Variants in GALNT16 observed in about 807,000 individuals in gnomAD.
GALNT16 encodes the protein UDP-GalNAc:polypeptide N-acetylgalactosaminyltransferase-like protein 1.
In GALNT16, 40 loss-of-function variants were observed where a neutral mutation model predicts 76.1. That is an observed-to-expected ratio of 0.53 (90% CI 0.41 to 0.68). The LOEUF is 0.68. Ranked by LOEUF, GALNT16 falls within the 30% of genes least tolerant of loss-of-function variation. GALNT16 has a pLI of 0.00. For missense variants in GALNT16, 621 were observed against 731.9 expected (o/e 0.85, Z 1.75); for synonymous variants, 276 against 285.2 (o/e 0.97, Z 0.32).
At chr14:69,339,768 A>G (rs890784385) in intron 11 of GALNT16, 149 bp downstream of exon 11, 7 of 587,578 alleles carry the variant, frequency 1.2e-5, no homozygotes, top group Admixed American at 9.9e-5. Flanking sequence ...GGGTCCTGGG[A>G]GGGAATGCAA....
At chr14:69,287,613 A>G (rs934774280) in intron 1 of GALNT16, among the ~76,000 whole-genome samples, 1 of 152,180 alleles carries the variant, frequency 6.6e-6, no homozygotes, top group Non-Finnish European at 1.5e-5. Context: ...GTAATGCTCC[A>G]GGGAATACAT....
intron 1 of GALNT16, among the ~76,000 whole-genome samples, chr14:69,275,419 G>A (rs1566860731): frequency 6.6e-6 from 1 of 152,190 alleles, no homozygotes; most frequent in Non-Finnish European, 1.5e-5. Context: ...TGATGTTAGG[G>A]AGGAAAAGAA....
At chr14:69,355,416 A>G (rs768153503), downstream of GALNT16, 1 of 149,900 alleles carries the variant, frequency 6.7e-6, no homozygotes, top group East Asian at 2.0e-4. Context: ...CCCACCACCC[A>G]CCGCCTACTC....
the GALNT16 span, among the ~76,000 whole-genome samples, chr14:69,378,207 ACT>A: frequency 6.6e-6 from 1 of 152,122 alleles, no homozygotes; most frequent in Non-Finnish European, 1.5e-5. Context: ...AGATCGTTGA[ACT>A]CTTTTTATAC....
intron 1 of GALNT16, chr14:69,298,521 C>G (rs1425894371): frequency 6.6e-6 from 1 of 152,518 alleles, no homozygotes; most frequent in East Asian, 1.9e-4. Flanking sequence ...TCCCTGTCGC[C>G]ACTTCCCACG....
chr14:69,368,660 G>C, the GALNT16 span, among the ~76,000 whole-genome samples: 4 of 152,296 alleles, frequency 2.6e-5, no homozygotes, highest in African/African-American at 9.6e-5. Context: ...TTACACGAGG[G>C]CTTGACTACC....
intron 1 of GALNT16, among the ~76,000 whole-genome samples, chr14:69,279,320 C>G (rs1306871482): frequency 1.3e-5 from 2 of 152,138 alleles, no homozygotes; most frequent in Non-Finnish European, 2.9e-5. Flanking sequence ...TATTACTTAC[C>G]TTGATTACTG....
chr14:69,358,192 A>C (rs562822889), downstream of GALNT16: 3 of 152,418 alleles, frequency 2.0e-5, no homozygotes, highest in African/African-American at 7.2e-5. Flanking sequence ...CTCTGGCAGG[A>C]GAACCAGGAG....
At chr14:69,268,817 G>A (rs993314241) in intron 1 of GALNT16, among the ~76,000 whole-genome samples, 2 of 152,254 alleles carry the variant, frequency 1.3e-5, no homozygotes, top group South Asian at 4.1e-4. Context: ...GCATTGGCAT[G>A]CAAAGAGAGA....
downstream of GALNT16, among the ~76,000 whole-genome samples, chr14:69,361,460 C>T (rs571678339): frequency 7.3e-4 from 111 of 152,214 alleles, 1 homozygote; most frequent in Non-Finnish European, 1.5e-3. Context: ...GTCCATGCTC[C>T]TTGCTGCTCC....
intron 3 of GALNT16, 145 bp from the exon 4 acceptor site, chr14:69,325,192 T>C: frequency 1.5e-6 from 1 of 653,132 alleles, no homozygotes; most frequent in Non-Finnish European, 2.8e-6. Flanking sequence ...TCAATGAACT[T>C]AGACAAGAAT....
At chr14:69,364,805 G>A in the GALNT16 span, among the ~76,000 whole-genome samples, 1 of 152,214 alleles carries the variant, frequency 6.6e-6, no homozygotes, top group Non-Finnish European at 1.5e-5. The surrounding 1 kb of genome is among the most constrained non-coding windows in gnomAD (Gnocchi z 4.2). Flanking sequence ...GCAGGAGGGT[G>A]GAAGGAGCCA....
At chr14:69,304,064 G>T (rs988179586) in intron 1 of GALNT16, among the ~76,000 whole-genome samples, 1 of 151,964 alleles carries the variant, frequency 6.6e-6, no homozygotes, top group Admixed American at 6.6e-5. Flanking sequence ...GGCTCTTTTT[G>T]GGGGTGGGGG....
chr14:69,372,491 C>CTTTTTTTT, the GALNT16 span, among the ~76,000 whole-genome samples: 12 of 103,746 alleles, frequency 1.2e-4, no homozygotes, highest in South Asian at 3.7e-4. Flanking sequence ...GATCATTAGC[C>CTTTTTTTT]TTTTTTTTTT....
At chr14:69,295,627 G>C (rs1375242513) in intron 1 of GALNT16, among the ~76,000 whole-genome samples, 1 of 152,120 alleles carries the variant, frequency 6.6e-6, no homozygotes, top group Non-Finnish European at 1.5e-5. Context: ...GACTGAGGCA[G>C]AAGAATTGCT....
At chr14:69,376,048 T>A in the GALNT16 span, among the ~76,000 whole-genome samples, 1 of 152,110 alleles carries the variant, frequency 6.6e-6, no homozygotes, top group African/African-American at 2.4e-5. Context: ...TCATACTTTT[T>A]ATTTTTGAGA....
chr14:69,271,790 A>G (rs142522437), intron 1 of GALNT16, among the ~76,000 whole-genome samples: 107 of 152,372 alleles, frequency 7.0e-4, no homozygotes, highest in Non-Finnish European at 1.4e-3. Flanking sequence ...CAGATCAAGT[A>G]TCTGTGCTGA....
chr14:69,333,234 T>C lies in GALNT16; in HGVS notation c.863+65T>C. On this transcript the variant is annotated intron_variant, in intron 8 of 14. Transcript: ENST00000448469. The surrounding 1 kb of genome is among the most constrained non-coding windows in gnomAD (Gnocchi z 4.2). ...CTGGGTCAGGGGCCTGGGAGGCTCT[T>C]GGGAGGCTGTATCGGTCGCTTGGGC... 1 of 1,143,532 alleles carries C rather than the reference T, an allele frequency of 8.7e-7. No homozygotes were observed. The highest frequency in any genetic ancestry group is 1.3e-6 in the Non-Finnish European group (1 of 784,726). The allele number at this position is 1,143,532 out of a possible 1,614,324, so 70.8% of individuals were successfully genotyped here.
the GALNT16 span, among the ~76,000 whole-genome samples, chr14:69,367,394 A>G: frequency 6.6e-6 from 1 of 151,770 alleles, no homozygotes; most frequent in Admixed American, 6.6e-5. Flanking sequence ...TATAAAAGAC[A>G]CCCTAGAGAA....
Sources: gnomAD v4.1 joint callset for allele counts (sites outside exome capture counted in the v4.1 genomes callset) on GRCh38, gnomAD v4.1.1 for gene constraint, Gnocchi (gnomAD v3.1) non-coding constraint, MANE v1.5 for transcripts, NCBI Gene and HGNC (gene_info 2026-07-23, HGNC 2026-07-21) for gene names.